Variants in JMJD1C observed in about 807,000 individuals in gnomAD.
The protein encoded by JMJD1C is jumonji domain-containing protein 1C.
JMJD1C carries 31 observed loss-of-function variants against 245.3 expected under a neutral mutation model. The ratio of observed to expected loss-of-function variants is 0.13; its 90% CI spans 0.09 to 0.17. The LOEUF (loss-of-function observed/expected upper bound fraction) is 0.17. Ranked by LOEUF, JMJD1C falls within the 10% of genes least tolerant of loss-of-function variation. JMJD1C has a pLI of 1.00. For missense variants in JMJD1C, 2,691 were observed against 3,000.2 expected (o/e 0.90, Z 2.41); for synonymous variants, 1,057 against 1,017.4 (o/e 1.04, Z -0.74).
intron 16 of JMJD1C, among the ~76,000 whole-genome samples, chr10:63,192,523 G>A (rs182171430): frequency 8.5e-5 from 13 of 152,222 alleles, no homozygotes; most frequent in South Asian, 6.2e-4. Context: ...AGCCAAGATC[G>A]TGCCATTGCA....
At chr10:63,187,768 C>T (rs1420062428) in intron 18 of JMJD1C, among the ~76,000 whole-genome samples, 1 of 152,172 alleles carries the variant, frequency 6.6e-6, no homozygotes, top group African/African-American at 2.4e-5. Context: ...AGACTCCTTG[C>T]CAATGGTATT....
At chr10:63,242,457 C>A (rs1241701639) in intron 3 of JMJD1C, among the ~76,000 whole-genome samples, 2 of 152,212 alleles carry the variant, frequency 1.3e-5, no homozygotes, top group Non-Finnish European at 1.5e-5. Context: ...CGTAGTGGCT[C>A]ATACCTGTAA....
intron 3 of JMJD1C, among the ~76,000 whole-genome samples, chr10:63,230,403 C>A (rs746186144): frequency 6.6e-6 from 1 of 152,076 alleles, no homozygotes; most frequent in Non-Finnish European, 1.5e-5. Flanking sequence ...TTACCCTGCA[C>A]TTTTTACAAG....
chr10:63,254,828 G>A (rs1489605250), intron 3 of JMJD1C, among the ~76,000 whole-genome samples: 1 of 150,382 alleles, frequency 6.6e-6, no homozygotes, highest in Non-Finnish European at 1.5e-5. Context: ...GAGATTACAG[G>A]TGTGTGCCAC....
At chr10:63,373,759 T>G (rs1030578661) in intron 2 of JMJD1C, among the ~76,000 whole-genome samples, 1 of 152,218 alleles carries the variant, frequency 6.6e-6, no homozygotes, top group Non-Finnish European at 1.5e-5. Context: ...TCTGTAGATA[T>G]AGTATTTCAT....
At chr10:63,194,641 A>G (rs977889269) in intron 13 of JMJD1C, 2 of 323,212 alleles carry the variant, frequency 6.2e-6, no homozygotes, top group African/African-American at 4.2e-5. Context: ...TAGCCTTTCT[A>G]AAAATTACCA....
intron 1 of JMJD1C, among the ~76,000 whole-genome samples, chr10:63,392,890 A>ACACG (rs1948186460): frequency 6.6e-6 from 1 of 150,804 alleles, no homozygotes; most frequent in South Asian, 2.1e-4. Context: ...ACACACACAC[A>ACACG]CACACACACA....
At chr10:63,445,141 G>A (rs1173243276) in intron 1 of JMJD1C, among the ~76,000 whole-genome samples, 1 of 152,158 alleles carries the variant, frequency 6.6e-6, no homozygotes, top group East Asian at 1.9e-4. Flanking sequence ...GATCACCTGA[G>A]CCCAGGAATT....
chr10:63,355,044 A>G (rs2134317508), intron 2 of JMJD1C, among the ~76,000 whole-genome samples: 1 of 152,056 alleles, frequency 6.6e-6, no homozygotes, highest in South Asian at 2.1e-4. Flanking sequence ...AAACAAATAA[A>G]TAAAGATGGC....
rs561278299 is a variant in JMJD1C, at chr10:63,381,200, G to A, written c.169-718C>T. Among the ~76,000 whole-genome samples the A allele has an allele frequency of 2.0e-5, 3 of 152,272 alleles. No individual in the cohort carries two copies. The East Asian group carries it at 5.8e-4, about 29-fold the overall frequency. On this transcript the variant is annotated intron_variant, in intron 1 of 25. Transcript: ENST00000399262. ...AGATATCACATGTTCACACTCATAT[G>A]TGGGAGTCAAAAACATGGATCTTGA... is the stretch of plus-strand genomic sequence containing the variant.
At chr10:63,389,316 AAAAAAAAAAAAAG>A (rs1022945433) in intron 1 of JMJD1C, among the ~76,000 whole-genome samples, 1 of 149,528 alleles carries the variant, frequency 6.7e-6, no homozygotes, top group African/African-American at 2.5e-5. Context: ...TGTCTCAAAA[AAAAAAAAAAAAAG>A]AAAAAGAAAA....
chr10:63,277,937 ATGTTGGCCAGGCTG>A (rs1405382080), intron 2 of JMJD1C, among the ~76,000 whole-genome samples: 1 of 151,608 alleles, frequency 6.6e-6, no homozygotes, highest in Non-Finnish European at 1.5e-5. Context: ...GGGTTTCGCC[ATGTTGGCCAGGCTG>A]GTCTCCAACT....
intron 2 of JMJD1C, among the ~76,000 whole-genome samples, chr10:63,308,678 G>A (rs569431888): frequency 7.7e-6 from 1 of 130,168 alleles, no homozygotes; most frequent in Non-Finnish European, 1.6e-5. Flanking sequence ...AGAATAAAAT[G>A]AGAGAAATAG....
At chr10:63,217,995 C>T (rs1204243634) in intron 4 of JMJD1C, among the ~76,000 whole-genome samples, 1 of 151,958 alleles carries the variant, frequency 6.6e-6, no homozygotes, top group Non-Finnish European at 1.5e-5. Context: ...TAAAACAAGT[C>T]ACTCTACAGA....
intron 10 of JMJD1C, chr10:63,204,365 T>A: frequency 1.0e-6 from 1 of 985,212 alleles, no homozygotes; most frequent in Non-Finnish European, 1.2e-6. Context: ...TTCTTAGAAC[T>A]CTTACATGTG....
intron 8 of JMJD1C, among the ~76,000 whole-genome samples, chr10:63,211,799 G>C (rs1205247582): frequency 3.0e-5 from 4 of 134,786 alleles, no homozygotes; most frequent in African/African-American, 5.4e-5. Context: ...ACTCTAGCTT[G>C]GGTGACAGAG....
chr10:63,467,742 A>C (rs1298707521), upstream of JMJD1C, among the ~76,000 whole-genome samples: 4 of 152,248 alleles, frequency 2.6e-5, no homozygotes, highest in African/African-American at 9.6e-5. Flanking sequence ...GGTGACAATA[A>C]TTCAACATAT....
intron 3 of JMJD1C, among the ~76,000 whole-genome samples, chr10:63,244,511 T>C (rs537814827): frequency 1.3e-5 from 2 of 151,922 alleles, no homozygotes; most frequent in South Asian, 2.1e-4. Context: ...TAGACATACA[T>C]CCAAAAGAAA....
rs778772468 is a variant in JMJD1C at position 63,213,811 on chromosome 10, GACC to G, written c.2353_2355del (p.Gly785del). The G allele has an allele frequency of 3.1e-6, 5 of 1,613,918 alleles. 1 individual carries two copies. Among genetic ancestry groups the G allele is most frequent in the Non-Finnish European group, 4.2e-6 (5 of 1,179,956 alleles). Reference sequence around the variant, plus strand: ...TGAGGGTGATGAACAGCATGGTGTGGACCACTAGTCAGAGGATGAGTGTTAATG... The same window carrying G: ...TGAGGGTGATGAACAGCATGGTGTGGACTAGTCAGAGGATGAGTGTTAATG... On this transcript the variant is annotated inframe_deletion, in exon 8 of 26. Transcript: ENST00000399262.
Sources: gnomAD v4.1 joint callset for allele counts (sites outside exome capture counted in the v4.1 genomes callset) on GRCh38, gnomAD v4.1.1 for gene constraint, MANE v1.5 for transcripts, NCBI Gene and HGNC (gene_info 2026-07-23, HGNC 2026-07-21) for gene names.